AFF2: variants seen among roughly 807,000 people sequenced by gnomAD.
AFF2 encodes ALF transcription elongation factor 2.
Under a neutral mutation model 76.9 loss-of-function variants are expected in AFF2, and 14 were observed. The observed-to-expected ratio is 0.18, with a 90% CI of 0.12 to 0.28. The LOEUF (loss-of-function observed/expected upper bound fraction) is 0.28, where lower values mean the gene tolerates loss of function less well. Ranked by LOEUF, AFF2 falls within the 10% of genes least tolerant of loss-of-function variation. AFF2 has a pLI of 1.00. For missense variants in AFF2, 868 were observed against 1,001.1 expected (o/e 0.87, Z 1.79); for synonymous variants, 398 against 366.7 (o/e 1.09, Z -0.98).
intron 1 of AFF2, among the ~76,000 whole-genome samples, chrX:148,590,700 G>A (rs1557246518): frequency 8.9e-6 from 1 of 111,909 alleles, no homozygotes; most frequent in East Asian, 2.8e-4. Flanking sequence ...AAGATAGAAA[G>A]GAGCCCAGGG....
At chrX:148,580,194 A>T (rs1015291164) in intron 1 of AFF2, among the ~76,000 whole-genome samples, 6 of 111,034 alleles carry the variant, frequency 5.4e-5, no homozygotes, top group East Asian at 2.9e-4. Flanking sequence ...GCCCATTCAT[A>T]TCCAGGGGCT....
At chrX:148,560,843 G>T (rs554271049) in intron 1 of AFF2, among the ~76,000 whole-genome samples, 4 of 110,471 alleles carry the variant, frequency 3.6e-5, no homozygotes, top group African/African-American at 1.3e-4. Flanking sequence ...TTCTGGGGGG[G>T]GCACCTCCTG....
chrX:148,851,697 A>T (rs782551622), intron 7 of AFF2, among the ~76,000 whole-genome samples: 2 of 111,990 alleles, frequency 1.8e-5, no homozygotes, highest in Admixed American at 9.4e-5. Flanking sequence ...TAAAAATTCC[A>T]GATGGAGATT....
intron 3 of AFF2, among the ~76,000 whole-genome samples, chrX:148,713,713 A>G (rs1258647417): frequency 9.0e-6 from 1 of 111,674 alleles, no homozygotes; most frequent in Non-Finnish European, 1.9e-5. Context: ...CTTGAGTCCA[A>G]AAATCAATGT....
chrX:148,777,281 A>G (rs1412842297), intron 3 of AFF2, among the ~76,000 whole-genome samples: 2 of 111,945 alleles, frequency 1.8e-5, no homozygotes, highest in Non-Finnish European at 3.8e-5. Context: ...GTTTGAAGTC[A>G]GGTAGTGTGA....
chrX:148,624,939 A>C (rs782099493), intron 1 of AFF2, among the ~76,000 whole-genome samples: 2 of 112,298 alleles, frequency 1.8e-5, no homozygotes, highest in Non-Finnish European at 3.8e-5. Flanking sequence ...GCAAGTGAAC[A>C]TAAGAAAACC....
chrX:148,614,025 C>T (rs1191876456), intron 1 of AFF2, among the ~76,000 whole-genome samples: 10 of 111,871 alleles, frequency 8.9e-5, no homozygotes, highest in Admixed American at 3.8e-4. Context: ...TAAGAAAATC[C>T]GAGCACATTC....
chrX:148,690,267 G>A (rs2054637767), intron 3 of AFF2, among the ~76,000 whole-genome samples: 1 of 112,360 alleles, frequency 8.9e-6, no homozygotes, highest in East Asian at 2.8e-4. Context: ...TTGTCAGAAT[G>A]TGTAATCATT....
In AFF2 at chrX:148,556,099, T is replaced by C. The variant is rs1449406655; in HGVS notation, c.47+54955T>C. Among the ~76,000 whole-genome samples, 31 of 112,050 alleles carry C rather than the reference T, an allele frequency of 2.8e-4. No homozygotes were observed. The Admixed American group carries it at 2.9e-3, about 11-fold the overall frequency. ...GAGAGCAGAGGGAGAGAGCCAGCGGTGGAGATTTTAGCTCAGTTTCACATC... is the reference window on the plus strand; with the variant it reads ...GAGAGCAGAGGGAGAGAGCCAGCGGCGGAGATTTTAGCTCAGTTTCACATC... On this transcript the variant is annotated intron_variant, in intron 1 of 20. Transcript: ENST00000370460.
chrX:148,659,755 T>C (rs1298747114), intron 2 of AFF2, among the ~76,000 whole-genome samples: 1 of 112,287 alleles, frequency 8.9e-6, no homozygotes, highest in Non-Finnish European at 1.9e-5. Flanking sequence ...TTTTGGCTAC[T>C]GTCCATGTGG....
intron 7 of AFF2, among the ~76,000 whole-genome samples, chrX:148,869,842 C>G (rs2070951326): frequency 9.0e-6 from 1 of 111,519 alleles, no homozygotes; most frequent in South Asian, 3.8e-4. Flanking sequence ...TGTCTTCTCT[C>G]TCCCTGAGTC....
intron 3 of AFF2, among the ~76,000 whole-genome samples, chrX:148,776,109 G>A (rs1250350555): frequency 9.0e-6 from 1 of 111,043 alleles, no homozygotes; most frequent in African/African-American, 3.3e-5. Flanking sequence ...AACATGCAGT[G>A]TTTGGTTTTC....
chrX:148,929,282 A>G (rs1225706766), intron 9 of AFF2, among the ~76,000 whole-genome samples: 1 of 112,686 alleles, frequency 8.9e-6, no homozygotes. Context: ...GAGCAATAAA[A>G]GTAGTTTCTG....
In AFF2 at chrX:148,998,695, G is replaced by GA. The variant is rs1209356282; in HGVS notation, c.*7370dup. 2.7e-5 allele frequency: 3 copies of GA among 110,753 alleles called. No individual in the cohort carries two copies. The highest frequency in any genetic ancestry group is 4.6e-3 in the Middle Eastern group (1 of 218). The allele number at this position is 110,753 out of a possible 1,213,427, so 9.1% of individuals were successfully genotyped here. ...ATGTTTCTGTAACCATTATAAATAT[G>GA]AAAAAAACCTCTTCAAAAAATTTCC... On this transcript the variant is annotated 3_prime_UTR_variant, in exon 21 of 21. Coordinates refer to ENST00000370460, the MANE Select transcript of AFF2 (RefSeq NM_002025.4).
At chrX:148,568,896 G>A (rs1029138644) in intron 1 of AFF2, among the ~76,000 whole-genome samples, 1 of 111,378 alleles carries the variant, frequency 9.0e-6, no homozygotes, top group Non-Finnish European at 1.9e-5. Context: ...GAAATAAAAG[G>A]AGCATATTTC....
intron 1 of AFF2, among the ~76,000 whole-genome samples, chrX:148,647,545 A>G (rs2054156082): frequency 1.8e-5 from 2 of 111,416 alleles, no homozygotes; most frequent in South Asian, 7.5e-4. Flanking sequence ...CTAGTGGTTT[A>G]TCTATACTCG....
chrX:148,667,862 C>T lies in AFF2; in HGVS notation c.1041+5094C>T, dbSNP rs183999881. On this transcript the variant is annotated intron_variant, in intron 3 of 20. Coordinates refer to ENST00000370460, the MANE Select transcript of AFF2 (RefSeq NM_002025.4). ...CCCAGCCCCTCCCAAATCTCATGTCCTCACATTTCAAATCCAATCATGCCT... is the reference window on the plus strand; with the variant it reads ...CCCAGCCCCTCCCAAATCTCATGTCTTCACATTTCAAATCCAATCATGCCT... 3.6e-3 allele frequency among the ~76,000 whole-genome samples: 398 copies of T among 111,863 alleles called. 3 individuals carry two copies. The highest frequency in any genetic ancestry group is 0.012 in the African/African-American group (373 of 30,790).
chrX:148,830,426 C>T (rs1290356301), intron 4 of AFF2, among the ~76,000 whole-genome samples: 1 of 111,921 alleles, frequency 8.9e-6, no homozygotes, highest in Non-Finnish European at 1.9e-5. Flanking sequence ...CTCCATGGGC[C>T]CATCTATTGG....
In AFF2 at chrX:148,596,340, G is replaced by C. The variant is rs782528580; in HGVS notation, c.48-55659G>C. Reference sequence around the variant, plus strand: ...GTAGTACATCTGAAGGAACAAGAGCGCCGCCCGCCTCCAACCACTTCATGG... The same window carrying C: ...GTAGTACATCTGAAGGAACAAGAGCCCCGCCCGCCTCCAACCACTTCATGG... On this transcript the variant is annotated intron_variant, in intron 1 of 20. Transcript: ENST00000370460. Among the ~76,000 whole-genome samples the C allele has an allele frequency of 4.5e-5, 5 of 111,752 alleles. No homozygotes were observed. In the East Asian group the frequency reaches 1.1e-3, roughly 25 times the overall value.
Sources: allele counts gnomAD v4.1 joint callset (sites outside exome capture counted in the v4.1 genomes callset), GRCh38; gene constraint gnomAD v4.1.1; transcripts MANE v1.5; gene names NCBI Gene and HGNC (gene_info 2026-07-23, HGNC 2026-07-21).